RNLS: variants seen among roughly 807,000 people sequenced by gnomAD.
RNLS encodes the protein renalase, FAD dependent amine oxidase, also known as renalase.
In RNLS, 39 loss-of-function variants were observed where a neutral mutation model predicts 39.8. That is an observed-to-expected ratio of 0.98 (90% CI 0.76 to 1.28). The LOEUF (loss-of-function observed/expected upper bound fraction) is 1.28. Among genes scored for constraint, RNLS ranks in the 50% most tolerant of loss-of-function variants. The pLI is 0.00. For synonymous variants in RNLS, 147 were observed against 150.7 expected, an observed-to-expected ratio of 0.98 and a Z score of 0.18; for missense variants, 410 against 413.3, an observed-to-expected ratio of 0.99 and a Z score of 0.07.
chr10:88,487,804 T>A (rs947580073), intron 4 of RNLS, among the ~76,000 whole-genome samples: 1 of 152,124 alleles, frequency 6.6e-6, no homozygotes, highest in African/African-American at 2.4e-5. Context: ...TTTGTCATAG[T>A]CGCAAATGGG....
intron 5 of RNLS, among the ~76,000 whole-genome samples, chr10:88,324,089 C>T (rs1270235616): frequency 6.6e-6 from 1 of 152,014 alleles, no homozygotes; most frequent in African/African-American, 2.4e-5. Flanking sequence ...ACAATAGATG[C>T]TGGCAAGGCT....
chr10:88,243,027 G>A, the RNLS span, among the ~76,000 whole-genome samples: 1 of 152,192 alleles, frequency 6.6e-6, no homozygotes, highest in Non-Finnish European at 1.5e-5. Flanking sequence ...TCCACAGTTA[G>A]ACTTCAAGCG....
At chr10:88,498,798 TGTG>T (rs1324969038) in intron 4 of RNLS, among the ~76,000 whole-genome samples, 2 of 152,012 alleles carry the variant, frequency 1.3e-5, no homozygotes, top group African/African-American at 4.8e-5. Context: ...ATAAAACAAA[TGTG>T]GTAAAGTGTT....
chr10:88,503,792 G>C (rs893566520), intron 4 of RNLS, among the ~76,000 whole-genome samples: 1 of 152,152 alleles, frequency 6.6e-6, no homozygotes, highest in Non-Finnish European at 1.5e-5. Context: ...TTGAGTATGG[G>C]CTGGACGTGG....
the RNLS span, among the ~76,000 whole-genome samples, chr10:88,240,776 T>A: frequency 6.6e-6 from 1 of 152,204 alleles, no homozygotes; most frequent in Admixed American, 6.5e-5. Flanking sequence ...ATCATTCCCT[T>A]AGCCTCTACT....
chr10:88,378,851 A>AATC (rs1851232042), intron 4 of RNLS, among the ~76,000 whole-genome samples: 1 of 152,182 alleles, frequency 6.6e-6, no homozygotes. Context: ...CTTTTTTATT[A>AATC]ATCTGCTGTT....
At chr10:88,206,181 A>T in the RNLS span, among the ~76,000 whole-genome samples, 2 of 152,210 alleles carry the variant, frequency 1.3e-5, no homozygotes, top group African/African-American at 2.4e-5. Context: ...GGACTGCAAC[A>T]TTCTGAAGCC....
downstream of RNLS, among the ~76,000 whole-genome samples, chr10:88,270,684 T>C (rs540941247): frequency 6.6e-6 from 1 of 152,308 alleles, no homozygotes; most frequent in African/African-American, 2.4e-5. Flanking sequence ...AAATCTCCAG[T>C]AGGAGAAGGC....
At chr10:88,369,086 T>C (rs1286858031) in intron 4 of RNLS, among the ~76,000 whole-genome samples, 1 of 152,196 alleles carries the variant, frequency 6.6e-6, no homozygotes, top group African/African-American at 2.4e-5. Flanking sequence ...TGTTATTAAA[T>C]TGATTTCTAT....
intron 5 of RNLS, among the ~76,000 whole-genome samples, chr10:88,321,050 A>G (rs1846151635): frequency 6.6e-6 from 1 of 151,900 alleles, no homozygotes; most frequent in African/African-American, 2.4e-5. Context: ...ATGATTGGCC[A>G]TATAGCAAAT....
At chr10:88,250,361 C>A in the RNLS span, among the ~76,000 whole-genome samples, 1 of 152,212 alleles carries the variant, frequency 6.6e-6, no homozygotes, top group African/African-American at 2.4e-5. Context: ...CTTTGGAAGT[C>A]TCCATGTGGC....
At chr10:88,282,465 T>G (rs1843048057), downstream of RNLS, among the ~76,000 whole-genome samples, 1 of 143,618 alleles carries the variant, frequency 7.0e-6, no homozygotes, top group Non-Finnish European at 1.5e-5. Flanking sequence ...GTTAGGAGGA[T>G]GAAAAGTGAA....
chr10:88,341,921 C>T (rs969111720), intron 5 of RNLS, among the ~76,000 whole-genome samples: 2 of 152,080 alleles, frequency 1.3e-5, no homozygotes, highest in Non-Finnish European at 2.9e-5. Flanking sequence ...TTTATATTCT[C>T]TCAAAAAGAT....
chr10:88,490,643 G>A (rs772356258), intron 4 of RNLS, among the ~76,000 whole-genome samples: 1 of 152,130 alleles, frequency 6.6e-6, no homozygotes, highest in Non-Finnish European at 1.5e-5. Context: ...TTTTTAAAAT[G>A]TGCATTCATT....
intron 4 of RNLS, among the ~76,000 whole-genome samples, chr10:88,497,085 G>A (rs1353260890): frequency 6.6e-6 from 1 of 152,098 alleles, no homozygotes; most frequent in East Asian, 1.9e-4. Flanking sequence ...AGCATCAGAG[G>A]TAGGGTCAGA....
chr10:88,582,743 G>A (rs1401641029), intron 1 of RNLS, among the ~76,000 whole-genome samples: 1 of 152,224 alleles, frequency 6.6e-6, no homozygotes, highest in Admixed American at 6.5e-5. Context: ...ATTTATTAGG[G>A]ACAGCAGTAG....
At chr10:88,383,481 T>C (rs953745870) in intron 4 of RNLS, among the ~76,000 whole-genome samples, 4 of 152,174 alleles carry the variant, frequency 2.6e-5, no homozygotes, top group Non-Finnish European at 4.4e-5. Flanking sequence ...CTACATTTCC[T>C]GTGCTGTCAA....
chr10:88,576,332 G>A (rs746801044), intron 3 of RNLS, among the ~76,000 whole-genome samples: 1 of 152,170 alleles, frequency 6.6e-6, no homozygotes, highest in Non-Finnish European at 1.5e-5. Context: ...TCTTCAGATA[G>A]CTATAAAGAT....
intron 6 of RNLS, among the ~76,000 whole-genome samples, chr10:88,312,992 A>G (rs545167539): frequency 1.5e-4 from 23 of 152,300 alleles, no homozygotes; most frequent in Admixed American, 5.9e-4. Flanking sequence ...TTTGCAGCCA[A>G]TGTAGACTTC....
Sources: gnomAD v4.1 joint callset for allele counts (sites outside exome capture counted in the v4.1 genomes callset) on GRCh38, gnomAD v4.1.1 for gene constraint, MANE v1.5 for transcripts, NCBI Gene and HGNC (gene_info 2026-07-23, HGNC 2026-07-21) for gene names.